The following STX8 variants were observed in gnomAD, a reference collection of about 807,000 sequenced individuals.
STX8 encodes the protein syntaxin 8.
Under a neutral mutation model 37.5 loss-of-function variants are expected in STX8, and 23 were observed. The ratio of observed to expected loss-of-function variants is 0.61; its 90% confidence interval spans 0.44 to 0.87. The LOEUF (loss-of-function observed/expected upper bound fraction) is 0.87, where lower values mean the gene tolerates loss of function less well. Among genes scored for constraint, STX8 ranks in the 40% least tolerant of loss-of-function variants. STX8 has a pLI of 0.00. For missense variants in STX8, 313 were observed against 284.7 expected, an observed-to-expected ratio of 1.10 and a Z score of -0.71; for synonymous variants, 115 against 99.1, an observed-to-expected ratio of 1.16 and a Z score of -0.95.
At chr17:9,324,071 A>G (rs1281773579) in intron 7 of STX8, among the ~76,000 whole-genome samples, 1 of 151,256 alleles carries the variant, frequency 6.6e-6, no homozygotes, top group African/African-American at 2.4e-5. Flanking sequence ...GACTTGCTCA[A>G]GGTCTCAGGG....
chr17:9,539,671 C>CA (rs1567602743), intron 4 of STX8, among the ~76,000 whole-genome samples: 4 of 151,898 alleles, frequency 2.6e-5, no homozygotes, highest in Admixed American at 1.3e-4. Context: ...TGACCCCCCC[C>CA]ACCCCAAAAC....
intron 7 of STX8, among the ~76,000 whole-genome samples, chr17:9,261,125 T>C (rs1907011634): frequency 6.6e-6 from 1 of 152,144 alleles, no homozygotes; most frequent in South Asian, 2.1e-4. Context: ...GGCAGGTTCC[T>C]GGGATCTGGG....
chr17:9,450,513 T>C (rs1905006274), intron 6 of STX8, among the ~76,000 whole-genome samples: 1 of 151,502 alleles, frequency 6.6e-6, no homozygotes, highest in South Asian at 2.1e-4. Context: ...AGAATCTCCC[T>C]ATCTTACTCA....
At chr17:9,438,651 G>A (rs1363988939) in intron 6 of STX8, among the ~76,000 whole-genome samples, 2 of 152,040 alleles carry the variant, frequency 1.3e-5, no homozygotes, top group South Asian at 2.1e-4. Context: ...TCAAACAGCC[G>A]GGCGTGGTGG....
chr17:9,431,756 C>G (rs780435571), intron 6 of STX8, among the ~76,000 whole-genome samples: 1 of 152,176 alleles, frequency 6.6e-6, no homozygotes, highest in Non-Finnish European at 1.5e-5. Flanking sequence ...TAGTGCCAAA[C>G]GTTCTGACAT....
intron 5 of STX8, among the ~76,000 whole-genome samples, chr17:9,496,987 A>G (rs894843635): frequency 6.6e-6 from 1 of 152,226 alleles, no homozygotes; most frequent in African/African-American, 2.4e-5. Flanking sequence ...TTAAGTCACT[A>G]AGTTTGTGCT....
chr17:9,268,984 G>GT (rs1415673373), intron 7 of STX8, among the ~76,000 whole-genome samples: 1 of 152,072 alleles, frequency 6.6e-6, no homozygotes, highest in Non-Finnish European at 1.5e-5. Flanking sequence ...TCAGCAGATC[G>GT]AGACCATCCT....
At chr17:9,346,457 G>C (rs1910535867) in intron 7 of STX8, among the ~76,000 whole-genome samples, 1 of 152,064 alleles carries the variant, frequency 6.6e-6, no homozygotes, top group Admixed American at 6.6e-5. Flanking sequence ...GGAAAATTAA[G>C]AATGTTTGAG....
intron 6 of STX8, among the ~76,000 whole-genome samples, chr17:9,479,218 AT>A (rs1906216610): frequency 6.6e-6 from 1 of 152,146 alleles, no homozygotes; most frequent in Non-Finnish European, 1.5e-5. Context: ...CAATGAAAAA[AT>A]ATATATACTT....
intron 7 of STX8, among the ~76,000 whole-genome samples, chr17:9,333,677 C>T (rs536528827): frequency 2.9e-4 from 44 of 152,330 alleles, no homozygotes; most frequent in African/African-American, 7.0e-4. Flanking sequence ...GCGTGAGCCA[C>T]GGCGCCTGGC....
intron 7 of STX8, among the ~76,000 whole-genome samples, chr17:9,336,409 TTCCTTCCCCTTCC>T (rs1202851397): frequency 2.8e-4 from 42 of 151,750 alleles, no homozygotes; most frequent in East Asian, 5.8e-4. Context: ...CCTTCCTCCC[TTCCTTCCCCTTCC>T]TTCCTTCCCC....
rs1567549716 is a variant in STX8 at position 9,414,088 on chromosome 17, A to ACCCACCTACCCATCTG, written c.542-35436_542-35435insCAGATGGGTAGGTGGG. On this transcript the variant is annotated intron_variant, in intron 6 of 7. Transcript: ENST00000306357. ...CATCCATCCACCCATCTGTCCATCC[A>ACCCACCTACCCATCTG]TCCATCCATCCATCCATCCATCCAT... is the stretch of plus-strand genomic sequence containing the variant. Among the ~76,000 whole-genome samples the ACCCACCTACCCATCTG allele has an allele frequency of 2.2e-3, 140 of 63,740 alleles. 1 individual carries two copies. Among genetic ancestry groups the ACCCACCTACCCATCTG allele is most frequent in the East Asian group, 0.011 (11 of 1,004 alleles). 41.8% of individuals were successfully genotyped at this position (63,740 alleles called of 152,430 possible). A position where few individuals can be genotyped will look rare whatever the true frequency, so the allele number is the denominator to read the frequency against.
At chr17:9,535,338 C>CT (rs1222263867) in intron 4 of STX8, among the ~76,000 whole-genome samples, 1 of 151,134 alleles carries the variant, frequency 6.6e-6, no homozygotes, top group African/African-American at 2.4e-5. Flanking sequence ...TGGCACAAGT[C>CT]TAGAGGGGTT....
intron 4 of STX8, among the ~76,000 whole-genome samples, chr17:9,513,860 A>G (rs79726450): frequency 0.035 from 5,359 of 152,322 alleles, 298 homozygotes; most frequent in African/African-American, 0.12. Context: ...AAATCCTGCC[A>G]TTCACAGCAA....
intron 7 of STX8, among the ~76,000 whole-genome samples, chr17:9,377,636 A>C (rs1911645439): frequency 6.6e-6 from 1 of 151,960 alleles, no homozygotes; most frequent in Admixed American, 6.6e-5. Context: ...ATTTTTTTGT[A>C]TCTTTAGTAG....
At position 9,365,208 on chromosome 17, in the gene STX8, C is replaced by G. The variant is rs190284260; in HGVS notation, c.643+13344G>C. Among the ~76,000 whole-genome samples, 701 of 152,312 alleles carry G rather than the reference C, an allele frequency of 4.6e-3. 3 individuals carry two copies. The highest frequency in any genetic ancestry group is 7.9e-3 in the Non-Finnish European group (536 of 68,034). On this transcript the variant is annotated intron_variant, in intron 7 of 7. Coordinates refer to ENST00000306357, the MANE Select transcript of STX8 (RefSeq NM_004853.3). ...TATTGTCAACATTAAAATATTGGGA[C>G]ATTTCACTTAGAGATCCAGATTTCA...
chr17:9,525,568 G>A (rs1278276284), intron 4 of STX8, among the ~76,000 whole-genome samples: 9 of 151,672 alleles, frequency 5.9e-5, no homozygotes, highest in Admixed American at 2.0e-4. Flanking sequence ...GGATGGTCTC[G>A]ATCTCCTGAC....
In STX8 at chr17:9,447,667, C is replaced by A. The variant is rs899180969; in HGVS notation, c.541+44162G>T. ...CGAACTCCTGACCTCAAGTGATCCACCAGCCTCAGTCTCCCAAAGTGCTGG... is the reference window on the plus strand; with the variant it reads ...CGAACTCCTGACCTCAAGTGATCCAACAGCCTCAGTCTCCCAAAGTGCTGG... On this transcript the variant is annotated intron_variant, in intron 6 of 7. Coordinates refer to ENST00000306357, the MANE Select transcript of STX8 (RefSeq NM_004853.3). Among the ~76,000 whole-genome samples the A allele has an allele frequency of 5.9e-4, 90 of 152,064 alleles. 1 individual carries two copies. The highest frequency in any genetic ancestry group is 1.8e-3 in the African/African-American group (75 of 41,512).
At chr17:9,379,028 T>C (rs1377091783) in intron 6 of STX8, among the ~76,000 whole-genome samples, 4 of 152,096 alleles carry the variant, frequency 2.6e-5, no homozygotes, top group Non-Finnish European at 5.9e-5. Flanking sequence ...GAGGATTGCC[T>C]GAGGTCAGGA....
Sources: gnomAD v4.1 joint callset for allele counts (sites outside exome capture counted in the v4.1 genomes callset) on GRCh38, gnomAD v4.1.1 for gene constraint, MANE v1.5 for transcripts, NCBI Gene and HGNC (gene_info 2026-07-23, HGNC 2026-07-21) for gene names.